BTD: variants seen among roughly 807,000 people sequenced by gnomAD.
BTD encodes biotinidase.
A neutral mutation model predicts 17.7 loss-of-function variants in BTD; 13 were observed. The ratio of observed to expected loss-of-function variants is 0.74; its 90% CI spans 0.48 to 1.17. The LOEUF is 1.17. BTD is among the 50% of genes most tolerant of loss of function. The pLI, the probability that BTD is intolerant of heterozygous loss-of-function variation, is 0.00. For synonymous variants in BTD, 240 were observed against 245.2 expected (o/e 0.98, Z 0.20); for missense variants, 674 against 650.4 (o/e 1.04, Z -0.39).
At chr3:15,618,726 C>T (rs2064865738) in intron 1 of BTD, among the ~76,000 whole-genome samples, 1 of 152,072 alleles carries the variant, frequency 6.6e-6, no homozygotes. Context: ...GGGGTTTCAC[C>T]ATGTTAGCCA....
intron 1 of BTD, among the ~76,000 whole-genome samples, chr3:15,602,903 G>A (rs1450573166): frequency 1.3e-5 from 2 of 152,128 alleles, no homozygotes; most frequent in Non-Finnish European, 2.9e-5. Context: ...AAGAAAAAGA[G>A]GTTTAATGGT....
Position 15,642,024 on chromosome 3 carries a change from A to T in BTD, c.366A>T (p.Pro122=), listed in dbSNP as rs373894007. Residue 122 remains proline, a synonymous_variant, in exon 3 of 4, where the codon CCA becomes CCT. Coordinates refer to ENST00000643237, the MANE Select transcript of BTD (RefSeq NM_001370658.1). ...CTCCCCAGGTGGTCAGGTGGAACCC[A>T]TGCCTGGAGCCTCACCGCTTCAATG... The part of the protein sequence containing the change: ...MPSPQVVRWN[P]CLEPHRFNDT... 5 of 1,614,058 alleles carry T rather than the reference A, an allele frequency of 3.1e-6. No homozygotes were observed. The African/African-American group carries it at 4.0e-5, about 13-fold the overall frequency.
chr3:15,630,434 A>G (rs2065178378), intron 1 of BTD, among the ~76,000 whole-genome samples: 2 of 152,362 alleles, frequency 1.3e-5, no homozygotes, highest in South Asian at 2.1e-4. Flanking sequence ...TGTGCAAAAA[A>G]GCCTTCTTAC....
At chr3:15,704,211 G>C (rs2071032345) in intron 3 of BTD, among the ~76,000 whole-genome samples, 1 of 152,020 alleles carries the variant, frequency 6.6e-6, no homozygotes, top group African/African-American at 2.4e-5. Flanking sequence ...GTAAAATAAA[G>C]ACACTTCAGA....
At chr3:15,662,479 T>G (rs142891003) in intron 3 of BTD, among the ~76,000 whole-genome samples, 64 of 152,328 alleles carry the variant, frequency 4.2e-4, no homozygotes, top group Non-Finnish European at 6.9e-4. Flanking sequence ...ACTGGTATAA[T>G]TACTTATTAG....
rs894671452 is a variant in BTD at position 15,652,852 on chromosome 3, A to G, written c.*7364A>G. 6.6e-6 allele frequency among the ~76,000 whole-genome samples: 1 copy of G among 152,212 alleles called. No homozygotes were observed. The highest frequency in any genetic ancestry group is 2.4e-5 in the African/African-American group (1 of 41,456). On this transcript the variant is annotated 3_prime_UTR_variant, in exon 4 of 4. Coordinates refer to ENST00000643237, the MANE Select transcript of BTD (RefSeq NM_001370658.1). ...ATTATTTGTTGGGTTACACAAAGCC[A>G]GAAATCATCTACATCTACTCTCTTT...
At chr3:15,692,854 A>G (rs2068987894) in intron 3 of BTD, among the ~76,000 whole-genome samples, 1 of 152,244 alleles carries the variant, frequency 6.6e-6, no homozygotes, top group Non-Finnish European at 1.5e-5. Flanking sequence ...AAGAGAAGAA[A>G]GCAACCCAGC....
At chr3:15,617,449 G>A (rs79500749) in intron 1 of BTD, among the ~76,000 whole-genome samples, 11,654 of 151,172 alleles carry the variant, frequency 0.077, 505 homozygotes, top group African/African-American at 0.11. Context: ...TACTTCTTGT[G>A]AAGGGTATAA....
intron 1 of BTD, among the ~76,000 whole-genome samples, chr3:15,625,817 A>T (rs1258422580): frequency 6.6e-6 from 1 of 152,172 alleles, no homozygotes; most frequent in Non-Finnish European, 1.5e-5. Context: ...GGCCTCCCAA[A>T]GTGCTGGGAT....
chr3:15,690,337 T>A, intron 3 of BTD: 4 of 824,930 alleles, frequency 4.8e-6, no homozygotes, highest in African/African-American at 1.7e-5. Context: ...CTTGAGATAA[T>A]CCAAACTTCT....
chr3:15,645,521 C>T lies in BTD; in HGVS notation c.*33C>T. 1 of 1,596,944 alleles carries T rather than the reference C, an allele frequency of 6.3e-7. No individual in the cohort carries two copies. Among genetic ancestry groups the T allele is most frequent in the Non-Finnish European group, 8.5e-7 (1 of 1,178,340 alleles). On this transcript the variant is annotated 3_prime_UTR_variant, in exon 4 of 4. Coordinates refer to ENST00000643237, the MANE Select transcript of BTD (RefSeq NM_001370658.1). The stretch of plus-strand genomic sequence containing the variant: ...GTGTGGTCTGTGGGGCGGACTCTGG[C>T]CATCATGTTGACAGCCTTGCACTTC...
chr3:15,713,506 A>G, downstream of BTD: 1 of 1,593,314 alleles, frequency 6.3e-7, no homozygotes, highest in Admixed American at 1.7e-5. Context: ...ATCAGTTATC[A>G]ACACCTCGGT....
intron 3 of BTD, chr3:15,676,689 A>G (rs535281912): frequency 7.5e-6 from 2 of 267,142 alleles, no homozygotes; most frequent in Non-Finnish European, 1.4e-5. Flanking sequence ...TTTCCACAGA[A>G]TACACAAAAT....
chr3:15,627,712 C>CTTTTG (rs369839486), intron 1 of BTD, among the ~76,000 whole-genome samples: 228 of 152,162 alleles, frequency 1.5e-3, no homozygotes, highest in African/African-American at 5.4e-3. Context: ...AAGGGTTATT[C>CTTTTG]TTTTGTTTTG....
chr3:15,601,517 C>G (rs1364351264), upstream of BTD: 1 of 1,609,182 alleles, frequency 6.2e-7, no homozygotes, highest in East Asian at 2.2e-5. Context: ...GCGGAATCAT[C>G]CAGCAAGGCA....
intron 3 of BTD, chr3:15,694,728 G>A (rs1575189868): frequency 6.2e-7 from 1 of 1,610,932 alleles, no homozygotes; most frequent in Non-Finnish European, 8.5e-7. Flanking sequence ...GGCTATGAAG[G>A]CAGTACTCAC....
At chr3:15,601,518 C>T (rs757110995), upstream of BTD, 113 of 1,609,128 alleles carry the variant, frequency 7.0e-5, no homozygotes, top group Non-Finnish European at 9.6e-5. Context: ...CGGAATCATC[C>T]AGCAAGGCAA....
chr3:15,640,058 C>G (rs1187324098), intron 2 of BTD, among the ~76,000 whole-genome samples: 3 of 152,118 alleles, frequency 2.0e-5, no homozygotes, highest in African/African-American at 7.2e-5. Flanking sequence ...GAGCCGAGAT[C>G]ACAACACTGC....
chr3:15,668,517 GA>G (rs987726486), intron 3 of BTD: 20 of 152,230 alleles, frequency 1.3e-4, no homozygotes, highest in African/African-American at 4.8e-4. Context: ...AAATATTTTA[GA>G]AAAAATGCTT....
Sources: allele counts gnomAD v4.1 joint callset (sites outside exome capture counted in the v4.1 genomes callset), GRCh38; gene constraint gnomAD v4.1.1; transcripts MANE v1.5; gene names NCBI Gene and HGNC (gene_info 2026-07-23, HGNC 2026-07-21).